The following MAGI2 variants were observed in gnomAD, a reference collection of about 807,000 sequenced individuals.
The protein encoded by MAGI2 is membrane-associated guanylate kinase, WW and PDZ domain-containing protein 2.
Under a neutral mutation model 133.3 loss-of-function variants are expected in MAGI2, and 35 were observed. The observed-to-expected ratio is 0.26, with a 90% CI of 0.20 to 0.35. The LOEUF (loss-of-function observed/expected upper bound fraction) is 0.35, where lower values mean the gene tolerates loss of function less well. Ranked by LOEUF, MAGI2 falls within the 10% of genes least tolerant of loss-of-function variation. MAGI2 has a pLI of 1.00. For synonymous variants in MAGI2, 729 were observed against 710.6 expected, an observed-to-expected ratio of 1.03 and a Z score of -0.41; for missense variants, 1,636 against 1,863.4, an observed-to-expected ratio of 0.88 and a Z score of 2.25.
intron 1 of MAGI2, among the ~76,000 whole-genome samples, chr7:79,339,936 T>C (rs1373646215): frequency 1.3e-5 from 2 of 152,100 alleles, no homozygotes; most frequent in African/African-American, 4.8e-5. Flanking sequence ...AAGATGCGTT[T>C]CGTATCAATT....
chr7:78,121,015 A>AAAT (rs892913759), intron 20 of MAGI2, among the ~76,000 whole-genome samples: 5 of 150,500 alleles, frequency 3.3e-5, no homozygotes, highest in African/African-American at 1.2e-4. Context: ...AAAAAAAAAA[A>AAAT]AAAAAATAAT....
intron 16 of MAGI2, among the ~76,000 whole-genome samples, chr7:78,142,348 G>A (rs975560538): frequency 4.6e-5 from 7 of 152,062 alleles, no homozygotes; most frequent in Non-Finnish European, 7.4e-5. Flanking sequence ...TGCCGTGGAA[G>A]GTGTAAATGA....
rs1479927347 is a variant in MAGI2, at chr7:78,019,810, T to C, written c.3873A>G (p.Glu1291=). 11 of 1,613,404 alleles carry C rather than the reference T, an allele frequency of 6.8e-6. No individual in the cohort carries two copies. The South Asian group carries it at 1.2e-4, about 18-fold the overall frequency. Reference sequence around the variant, plus strand: ...GCTCCTTTGGTTTCCTAACGTCGTGTTCCCGTTTGATATCCCAAGTTGGGC... The same window carrying C: ...GCTCCTTTGGTTTCCTAACGTCGTGCTCCCGTTTGATATCCCAAGTTGGGC... ...SPGPTWDIKR[E]HDVRKPKELS... The change falls in exon 22 of 22, where the codon GAA becomes GAG. Residue 1291 remains glutamate, a synonymous_variant. Coordinates refer to ENST00000354212, the MANE Select transcript of MAGI2 (RefSeq NM_012301.4).
intron 20 of MAGI2, among the ~76,000 whole-genome samples, chr7:78,118,927 A>G (rs1820146770): frequency 6.6e-6 from 1 of 152,254 alleles, no homozygotes; most frequent in Admixed American, 6.5e-5. Context: ...TCTATTCATA[A>G]TTGCCAAAAT....
chr7:78,770,032 G>A lies in MAGI2; in HGVS notation c.419-142793C>T, dbSNP rs565971680. On this transcript the variant is annotated intron_variant, in intron 2 of 21. Transcript: ENST00000354212. ...TCTGGGCAGTTTACTTCAGAATAGA[G>A]CAGATTCTTGACCAGGGCACAATGG... Among the ~76,000 whole-genome samples the A allele has an allele frequency of 7.5e-4, 114 of 152,298 alleles. 1 individual carries two copies. The highest frequency in any genetic ancestry group is 2.6e-3 in the African/African-American group (109 of 41,570).
intron 16 of MAGI2, among the ~76,000 whole-genome samples, chr7:78,152,299 G>A (rs1176756155): frequency 6.6e-6 from 1 of 152,182 alleles, no homozygotes; most frequent in African/African-American, 2.4e-5. Flanking sequence ...TCTGGGACAG[G>A]GTAAATAACT....
intron 1 of MAGI2, among the ~76,000 whole-genome samples, chr7:79,198,615 C>T (rs750997467): frequency 3.3e-5 from 5 of 151,850 alleles, no homozygotes; most frequent in African/African-American, 9.7e-5. Context: ...GTAGGCCGGG[C>T]GCAGTGGCTC....
intron 1 of MAGI2, among the ~76,000 whole-genome samples, chr7:79,338,542 T>C (rs1415368442): frequency 3.9e-5 from 6 of 152,146 alleles, no homozygotes; most frequent in Admixed American, 3.9e-4. Flanking sequence ...AACCAGGGTC[T>C]TTAACCTGGA....
chr7:78,669,402 C>T (rs1814052276), intron 2 of MAGI2, among the ~76,000 whole-genome samples: 1 of 152,096 alleles, frequency 6.6e-6, no homozygotes, highest in African/African-American at 2.4e-5. Context: ...AGACCAATAA[C>T]AGGCTCTGAA....
intron 1 of MAGI2, among the ~76,000 whole-genome samples, chr7:79,115,869 T>G (rs1011858606): frequency 6.1e-5 from 9 of 147,362 alleles, no homozygotes; most frequent in African/African-American, 1.0e-4. Flanking sequence ...TTTTTTTTTT[T>G]TTTTTTTTTT....
intron 2 of MAGI2, among the ~76,000 whole-genome samples, chr7:78,632,956 C>T (rs891068396): frequency 6.6e-6 from 1 of 152,218 alleles, no homozygotes; most frequent in South Asian, 2.1e-4. Context: ...ATGTTCACTG[C>T]AGCAGTATTC....
At chr7:78,436,397 A>C (rs769942707) in intron 6 of MAGI2, among the ~76,000 whole-genome samples, 5 of 152,084 alleles carry the variant, frequency 3.3e-5, no homozygotes, top group African/African-American at 4.8e-5. Flanking sequence ...TAATGAGGAG[A>C]AAGTCCTTGC....
intron 9 of MAGI2, among the ~76,000 whole-genome samples, chr7:78,293,775 G>A (rs1328491800): frequency 6.6e-6 from 1 of 152,212 alleles, no homozygotes; most frequent in Non-Finnish European, 1.5e-5. Flanking sequence ...ATGAGTTCAT[G>A]TCCTTTGTAG....
At chr7:78,129,473 T>C in intron 18 of MAGI2, among the ~76,000 whole-genome samples, 1 of 152,200 alleles carries the variant, frequency 6.6e-6, no homozygotes, top group East Asian at 1.9e-4. Context: ...GTTCTTTTAC[T>C]TCTGAAAGAA....
At position 78,489,744 on chromosome 7, in the gene MAGI2, A is replaced by G. The variant is rs755779450; in HGVS notation, c.1045+17T>C. 6.3e-7 allele frequency: 1 copy of G among 1,593,420 alleles called. No homozygotes were observed. Among genetic ancestry groups the G allele is most frequent in the Non-Finnish European group, 8.6e-7 (1 of 1,163,208 alleles). The stretch of plus-strand genomic sequence containing the variant: ...CAAAGCACATTGCTGAAACACCATA[A>G]AAACTTAATAACCTACCATTTTCTT... On this transcript the variant is annotated intron_variant, in intron 6 of 21. Transcript: ENST00000354212.
chr7:79,022,341 A>G (rs538702910), intron 1 of MAGI2, among the ~76,000 whole-genome samples: 1 of 152,318 alleles, frequency 6.6e-6, no homozygotes, highest in East Asian at 1.9e-4. Context: ...AGAAAAAAAT[A>G]CCACATACCA....
chr7:78,682,013 C>T (rs1476431483), intron 2 of MAGI2, among the ~76,000 whole-genome samples: 2 of 148,488 alleles, frequency 1.3e-5, no homozygotes, highest in Non-Finnish European at 3.0e-5. Flanking sequence ...TCTCTGTAAT[C>T]CTACAATTTT....
chr7:79,213,087 G>A (rs1451492613), intron 1 of MAGI2, among the ~76,000 whole-genome samples: 1 of 151,862 alleles, frequency 6.6e-6, no homozygotes, highest in Non-Finnish European at 1.5e-5. Flanking sequence ...GGGAGCAATA[G>A]TACCACATGG....
chr7:79,168,262 C>G (rs567576839), intron 1 of MAGI2, among the ~76,000 whole-genome samples: 1 of 151,846 alleles, frequency 6.6e-6, no homozygotes. Flanking sequence ...GTATCCCAAC[C>G]GAGCTGGTCT....
Sources: allele counts gnomAD v4.1 joint callset (sites outside exome capture counted in the v4.1 genomes callset), GRCh38; gene constraint gnomAD v4.1.1; transcripts MANE v1.5; gene names NCBI Gene and HGNC (gene_info 2026-07-23, HGNC 2026-07-21).